Variants in LTO1 observed in about 807,000 individuals in gnomAD.
LTO1 encodes protein LTO1 homolog.
A neutral mutation model predicts 19.8 loss-of-function variants in LTO1; 18 were observed. The ratio of observed to expected loss-of-function variants is 0.91; its 90% confidence interval spans 0.63 to 1.35. LTO1 has a LOEUF of 1.35. Ranked by LOEUF, LTO1 falls within the 40% of genes most tolerant of loss-of-function variation. The probability of loss-of-function intolerance (pLI) is 0.00; values close to 1 mark genes in which losing one functional copy is unlikely to be tolerated. For synonymous variants in LTO1, 59 were observed against 59.6 expected, an observed-to-expected ratio of 0.99 and a Z score of 0.05; for missense variants, 175 against 167.9, an observed-to-expected ratio of 1.04 and a Z score of -0.23.
intron 3 of LTO1, among the ~76,000 whole-genome samples, chr11:69,668,657 G>A (rs1308189900): frequency 1.4e-5 from 2 of 141,668 alleles, no homozygotes; most frequent in Middle Eastern, 3.6e-3. Flanking sequence ...CAGATGGTGA[G>A]AAATTAATTT....
chr11:69,673,250 T>G lies in LTO1; in HGVS notation c.122A>C (p.His41Pro), dbSNP rs764243648. ...GATTTTGGCTCCATGCAGCGTGCCA[T>G]GCTGCCTTCCCTCCATCACACCCAA... ...SSLGVMEGRQ[H>P]GTLHGAKIGS... is the part of the protein sequence containing the mutation. Residue 41 changes from histidine (H) to proline (P), a missense_variant, in exon 2 of 5, where the codon CAT (histidine) becomes CCT (proline). His to Pro is a moderately conservative substitution (Grantham distance 77, BLOSUM62 -2). Coordinates refer to ENST00000279147, the MANE Select transcript of LTO1 (RefSeq NM_153451.3). 2 of 1,612,914 alleles carry G rather than the reference T, an allele frequency of 1.2e-6. No homozygotes were observed. The highest frequency in any genetic ancestry group is 1.7e-6 in the Non-Finnish European group (2 of 1,178,850).
chr11:69,668,690 A>G (rs1450984756), intron 3 of LTO1, among the ~76,000 whole-genome samples: 2 of 143,568 alleles, frequency 1.4e-5, no homozygotes, highest in African/African-American at 2.5e-5. Context: ...TTTTTTTTTA[A>G]TGGGGAGAGT....
chr11:69,668,925 G>A (rs1856071022), intron 3 of LTO1, among the ~76,000 whole-genome samples: 1 of 151,698 alleles, frequency 6.6e-6, no homozygotes, highest in Non-Finnish European at 1.5e-5. Context: ...CTACTCGGGA[G>A]GCTGAGACAG....
intron 3 of LTO1, 70 bp downstream of exon 3, chr11:69,671,679 C>A: frequency 1.2e-6 from 1 of 838,676 alleles, no homozygotes; most frequent in Non-Finnish European, 2.1e-6. Context: ...TACTCAAGGG[C>A]ATGCTGGTAA....
rs1856034385 is a variant in LTO1 at position 69,666,479 on chromosome 11, C to G, written c.*1040G>C. On this transcript the variant is annotated 3_prime_UTR_variant, in exon 5 of 5. Coordinates refer to ENST00000279147, the MANE Select transcript of LTO1 (RefSeq NM_153451.3). ...ATGACCACCACTCGCCTCGTGGGGA[C>G]CCACCGAACCATCCACTCTGCTCAT... The G allele has an allele frequency of 6.6e-6, 1 of 152,216 alleles. No homozygotes were observed. The highest frequency in any genetic ancestry group is 1.5e-5 in the Non-Finnish European group (1 of 68,092). The allele number at this position is 152,216 out of a possible 1,614,324, so 9.4% of individuals were successfully genotyped here. A position where few individuals can be genotyped will look rare whatever the true frequency, so the allele number is the denominator to read the frequency against.
chr11:69,667,878 A>C lies in LTO1; in HGVS notation c.345+17T>G, dbSNP rs1565078486. 1 of 1,164,918 alleles carries C rather than the reference A, an allele frequency of 8.6e-7. No homozygotes were observed. The highest frequency in any genetic ancestry group is 1.3e-6 in the Non-Finnish European group (1 of 769,400). 72.2% of individuals were successfully genotyped at this position (1,164,918 alleles called of 1,614,324 possible). A position where few individuals can be genotyped will look rare whatever the true frequency, so the allele number is the denominator to read the frequency against. On this transcript the variant is annotated intron_variant, in intron 4 of 4. Coordinates refer to ENST00000279147, the MANE Select transcript of LTO1 (RefSeq NM_153451.3). Reference sequence around the variant, plus strand: ...AATCAGGTGCTCCTAGCAGGAGGAAACACACAGTGCACGCACCTGTTTAAA... The same window carrying C: ...AATCAGGTGCTCCTAGCAGGAGGAACCACACAGTGCACGCACCTGTTTAAA...
rs150510514 is a variant in LTO1 at position 69,674,825 on chromosome 11, T to C, written c.50+365A>G. On this transcript the variant is annotated intron_variant, in intron 1 of 4. Transcript: ENST00000279147. ...ATCAGCACATCCATGAATACTGCCG[T>C]ATGTCCTATGATTAAGGAACCAGAA... 1.9e-3 allele frequency: 954 copies of C among 514,774 alleles called. 9 individuals carry two copies. Among genetic ancestry groups the C allele is most frequent in the African/African-American group, 0.017 (877 of 52,462 alleles). The allele number at this position is 514,774 out of a possible 1,614,324, so 31.9% of individuals were successfully genotyped here. A position where few individuals can be genotyped will look rare whatever the true frequency, so the allele number is the denominator to read the frequency against.
At chr11:69,670,286 C>T (rs569308585) in intron 3 of LTO1, among the ~76,000 whole-genome samples, 3 of 152,222 alleles carry the variant, frequency 2.0e-5, no homozygotes, top group South Asian at 4.1e-4. Context: ...TGGCACACAG[C>T]GGAGCACTTC....
chr11:69,675,161 C>T (rs1362878015), intron 1 of LTO1, 29 bp downstream of exon 1: 6 of 1,585,692 alleles, frequency 3.8e-6, no homozygotes, highest in Non-Finnish European at 5.2e-6. Flanking sequence ...CCAGACAGGG[C>T]GGGGTGCGGG....
intron 1 of LTO1, among the ~76,000 whole-genome samples, chr11:69,674,272 A>T (rs368067809): frequency 6.6e-6 from 1 of 152,208 alleles, no homozygotes; most frequent in Admixed American, 6.5e-5. Flanking sequence ...AAAAACTGCA[A>T]CATACACAGG....
chr11:69,674,997 C>T, intron 1 of LTO1, 193 bp downstream of exon 1: 1 of 694,716 alleles, frequency 1.4e-6, no homozygotes, highest in South Asian at 1.5e-5. Context: ...CGTGCCCCGC[C>T]GGAGCGGGCC....
At chr11:69,671,109 C>T (rs901701656) in intron 3 of LTO1, among the ~76,000 whole-genome samples, 11 of 152,074 alleles carry the variant, frequency 7.2e-5, no homozygotes, top group African/African-American at 2.7e-4. Flanking sequence ...CCATATTGGC[C>T]AGGCTGGTCT....
intron 1 of LTO1, among the ~76,000 whole-genome samples, chr11:69,673,910 G>A (rs1856149155): frequency 6.6e-6 from 1 of 152,086 alleles, no homozygotes; most frequent in Non-Finnish European, 1.5e-5. Flanking sequence ...AGGCTGGAGT[G>A]CAGTGGTGCG....
chr11:69,670,319 C>A lies in LTO1; in HGVS notation c.227+1430G>T, dbSNP rs77550709. Among the ~76,000 whole-genome samples the A allele has an allele frequency of 1.2e-3, 181 of 152,366 alleles. 1 individual carries two copies. The highest frequency in any genetic ancestry group is 4.1e-3 in the African/African-American group (169 of 41,588). The stretch of plus-strand genomic sequence containing the variant: ...TTCTCCAGGAGCCGGCAGATTCTGC[C>A]GCTGTGGGAGAAGGGAGACAGGCGG... On this transcript the variant is annotated intron_variant, in intron 3 of 4. Coordinates refer to ENST00000279147, the MANE Select transcript of LTO1 (RefSeq NM_153451.3).
At chr11:69,674,626 G>A (rs1856160967) in intron 1 of LTO1, 1 of 381,392 alleles carries the variant, frequency 2.6e-6, no homozygotes. Context: ...CTAAATAAAC[G>A]TCAGCGCCTG....
At chr11:69,671,880 C>T (rs1856115073) in intron 2 of LTO1, 61 bp from the exon 3 acceptor site, 2 of 970,198 alleles carry the variant, frequency 2.1e-6, no homozygotes, top group South Asian at 1.3e-5. Flanking sequence ...ACTTTCATTA[C>T]CAAGATCTCA....
Position 69,675,327 on chromosome 11 carries a change from G to T in LTO1, c.-88C>A. On this transcript the variant is annotated 5_prime_UTR_variant, in exon 1 of 5. Transcript: ENST00000279147. Reference sequence around the variant, plus strand: ...CGGCAGCTTCAGGCACAAATGCTCCGCTTGGGAGGAGACGAGACCCACTTC... The same window carrying T: ...CGGCAGCTTCAGGCACAAATGCTCCTCTTGGGAGGAGACGAGACCCACTTC... The T allele has an allele frequency of 8.9e-7, 1 of 1,119,108 alleles. No homozygotes were observed. The highest frequency in any genetic ancestry group is 1.2e-6 in the Non-Finnish European group (1 of 810,524). 69.3% of individuals were successfully genotyped at this position (1,119,108 alleles called of 1,614,324 possible).
chr11:69,671,864 A>G (rs1856114947), intron 2 of LTO1, 45 bp from the exon 3 acceptor site: 2 of 1,080,884 alleles, frequency 1.9e-6, no homozygotes, highest in Non-Finnish European at 2.9e-6. Context: ...ATAAGCAACT[A>G]GCTACACTTT....
intron 1 of LTO1, 126 bp downstream of exon 1, chr11:69,675,064 G>A (rs1486765359): frequency 2.5e-6 from 2 of 814,000 alleles, no homozygotes; most frequent in Non-Finnish European, 2.1e-6. Flanking sequence ...ACGGCCACCA[G>A]GCGCTCCCCA....
Sources: allele counts gnomAD v4.1 joint callset (sites outside exome capture counted in the v4.1 genomes callset), GRCh38; gene constraint gnomAD v4.1.1; transcripts MANE v1.5; gene names NCBI Gene and HGNC (gene_info 2026-07-23, HGNC 2026-07-21).